Variants in CCT8 observed in about 807,000 individuals in gnomAD.
The protein encoded by CCT8 is chaperonin containing TCP1 subunit 8.
A neutral mutation model predicts 65.7 loss-of-function variants in CCT8; 10 were observed. The ratio of observed to expected loss-of-function variants is 0.15; its 90% CI spans 0.09 to 0.26. The LOEUF is 0.26. Among genes scored for constraint, CCT8 ranks in the 10% least tolerant of loss-of-function variants. The probability of loss-of-function intolerance (pLI) is 1.00; values close to 1 mark genes in which losing one functional copy is unlikely to be tolerated. For missense variants in CCT8, 568 were observed against 669.1 expected (o/e 0.85, Z 1.67); for synonymous variants, 199 against 221.8 (o/e 0.90, Z 0.92).
chr21:29,066,655 A>C lies in CCT8; in HGVS notation c.624+61T>G. ...CATTTTTTTTTTTTTGCACAAAAAAACAAAAAAAGCACACAAAAAAACTGA... is the reference window on the plus strand; with the variant it reads ...CATTTTTTTTTTTTTGCACAAAAAACCAAAAAAAGCACACAAAAAAACTGA... On this transcript the variant is annotated intron_variant, in intron 6 of 14. Transcript: ENST00000286788. 5.3e-6 allele frequency: 6 copies of C among 1,131,042 alleles called. 1 individual carries two copies. The highest frequency in any genetic ancestry group is 7.6e-6 in the Non-Finnish European group (6 of 788,332). The allele number at this position is 1,131,042 out of a possible 1,614,324, so 70.1% of individuals were successfully genotyped here. A position where few individuals can be genotyped will look rare whatever the true frequency, so the allele number is the denominator to read the frequency against.
At chr21:29,062,682 C>G in intron 8 of CCT8, 126 bp from the exon 9 acceptor site, 1 of 731,766 alleles carries the variant, frequency 1.4e-6, no homozygotes, top group Non-Finnish European at 2.2e-6. Context: ...GATTTTAACT[C>G]AGAACATGTC....
chr21:29,069,224 G>C (rs1050060423), intron 3 of CCT8, among the ~76,000 whole-genome samples, 199 bp downstream of exon 3: 1 of 152,110 alleles, frequency 6.6e-6, no homozygotes, highest in South Asian at 2.1e-4. Context: ...TTAATAACTT[G>C]AGAGATTTTT....
chr21:29,064,037 G>T (rs558908345), intron 7 of CCT8, among the ~76,000 whole-genome samples: 1 of 152,118 alleles, frequency 6.6e-6, no homozygotes, highest in African/African-American at 2.4e-5. Context: ...GGGATTACAG[G>T]CGTGAGATAC....
chr21:29,067,767 T>C lies in CCT8; in HGVS notation c.232-62A>G, dbSNP rs2085640136. Reference sequence around the variant, plus strand: ...CCTTAAAGCAACATAAAATTGTTCATTTCCATTTCTTAAATAGACTCAATT... The same window carrying C: ...CCTTAAAGCAACATAAAATTGTTCACTTCCATTTCTTAAATAGACTCAATT... On this transcript the variant is annotated intron_variant, in intron 3 of 14. Coordinates refer to ENST00000286788, the MANE Select transcript of CCT8 (RefSeq NM_006585.4). 1.0e-5 allele frequency: 13 copies of C among 1,252,370 alleles called. No homozygotes were observed. In the African/African-American group the frequency reaches 2.0e-4, roughly 19 times the overall value. The allele number at this position is 1,252,370 out of a possible 1,614,324, so 77.6% of individuals were successfully genotyped here. A position where few individuals can be genotyped will look rare whatever the true frequency, so the allele number is the denominator to read the frequency against.
At chr21:29,064,879 T>C (rs1047764303) in intron 7 of CCT8, 89 bp downstream of exon 7, 27 of 1,148,450 alleles carry the variant, frequency 2.4e-5, no homozygotes, top group Non-Finnish European at 3.3e-5. Flanking sequence ...GTTCAGTTTT[T>C]TAAGAAGTAC....
chr21:29,062,089 C>T (rs2085570034), intron 11 of CCT8, 39 bp downstream of exon 11: 4 of 1,350,524 alleles, frequency 3.0e-6, no homozygotes, highest in South Asian at 1.2e-5. Context: ...ACAAATTACT[C>T]AGACCTTACA....
intron 2 of CCT8, 25 bp from the exon 3 acceptor site, chr21:29,069,527 A>G: frequency 1.4e-6 from 2 of 1,400,706 alleles, no homozygotes; most frequent in South Asian, 1.4e-5. Flanking sequence ...TTAAAAAAAG[A>G]AAAAGAAAGC....
intron 1 of CCT8, among the ~76,000 whole-genome samples, chr21:29,072,750 C>T (rs888002922): frequency 6.6e-6 from 1 of 152,172 alleles, no homozygotes; most frequent in Admixed American, 6.5e-5. Flanking sequence ...GCACAAGAGA[C>T]AAATTTATCA....
chr21:29,059,141 GAACTAGTGAAATA>G (rs2085535834), intron 14 of CCT8, among the ~76,000 whole-genome samples: 1 of 152,196 alleles, frequency 6.6e-6, no homozygotes, highest in Non-Finnish European at 1.5e-5. Context: ...CATACTTTGA[GAACTAGTGAAATA>G]GACATTCCAA....
chr21:29,058,871 C>A (rs1055651851), intron 14 of CCT8, among the ~76,000 whole-genome samples: 1 of 152,046 alleles, frequency 6.6e-6, no homozygotes, highest in Non-Finnish European at 1.5e-5. Flanking sequence ...GGATTACAGG[C>A]GTGAGCCACC....
At chr21:29,072,020 A>G in intron 1 of CCT8, 1 of 694,838 alleles carries the variant, frequency 1.4e-6, no homozygotes, top group Non-Finnish European at 2.6e-6. Flanking sequence ...TAAAAAAAAA[A>G]CAGGTCAAAA....
In CCT8 at chr21:29,063,743, A is replaced by G. The variant is rs760058475; in HGVS notation, c.763-213T>C. On this transcript the variant is annotated intron_variant, in intron 7 of 14. Transcript: ENST00000286788. ...GTCAAAACAGATGCATCTGCTTTTGATAAGTACTTAGGTGGAAAAGTACTT... is the reference window on the plus strand; with the variant it reads ...GTCAAAACAGATGCATCTGCTTTTGGTAAGTACTTAGGTGGAAAAGTACTT... 5.3e-5 allele frequency among the ~76,000 whole-genome samples: 8 copies of G among 152,198 alleles called. No individual in the cohort carries two copies. In the South Asian group the frequency reaches 1.0e-3, roughly 20 times the overall value.
rs139983851 is a variant in CCT8 at position 29,063,514 on chromosome 21, T to C, written c.779A>G (p.Lys260Arg). The C allele has an allele frequency of 1.3e-3, 2,042 of 1,613,746 alleles. 3 individuals carry two copies. The highest frequency in any genetic ancestry group is 7.3e-3 in the Middle Eastern group (44 of 6,062). ...AAAATTCATCAATTCTTCAGCAGTC[T>C]TTATCAACACTGTTCCCTGGCAAAA... ...ITETKGTVLI[K>R]TAEELMNFSK... Residue 260 changes from lysine (K) to arginine (R), a missense_variant, in exon 8 of 15, where the codon AAG becomes AGG. By Grantham distance (26) the Lys-to-Arg change is conservative (BLOSUM62 2). Coordinates refer to ENST00000286788, the MANE Select transcript of CCT8 (RefSeq NM_006585.4).
chr21:29,062,041 G>A (rs554166838), intron 11 of CCT8, 87 bp downstream of exon 11: 7 of 852,276 alleles, frequency 8.2e-6, no homozygotes, highest in South Asian at 7.7e-5. Context: ...AAGTTCTCAT[G>A]ATGTGCAAGA....
At chr21:29,071,921 G>A (rs1267964035) in intron 1 of CCT8, 7 of 701,762 alleles carry the variant, frequency 1.0e-5, no homozygotes, top group African/African-American at 3.5e-5. Context: ...TACGTATCCC[G>A]GCCCTTGTAT....
chr21:29,063,869 C>T (rs1177761731), intron 7 of CCT8, among the ~76,000 whole-genome samples: 4 of 152,090 alleles, frequency 2.6e-5, no homozygotes, highest in South Asian at 2.1e-4. Flanking sequence ...CTGGTTCAAG[C>T]GATTCTCCTG....
At chr21:29,068,317 T>C in intron 3 of CCT8, among the ~76,000 whole-genome samples, 1 of 152,148 alleles carries the variant, frequency 6.6e-6, no homozygotes, top group East Asian at 1.9e-4. Context: ...ATTTTGACGG[T>C]ATCACCACTG....
intron 7 of CCT8, among the ~76,000 whole-genome samples, chr21:29,064,478 ACC>A (rs1474832244): frequency 6.7e-6 from 1 of 150,062 alleles, no homozygotes; most frequent in African/African-American, 2.4e-5. Context: ...AAATGACCAG[ACC>A]CCCCTCATGC....
At chr21:29,062,730 C>T (rs920634778) in intron 8 of CCT8, 174 bp from the exon 9 acceptor site, 17 of 616,080 alleles carry the variant, frequency 2.8e-5, no homozygotes, top group Non-Finnish European at 3.7e-5. Context: ...AAGCTGATTC[C>T]TGACTCTCTG....
Sources: allele counts gnomAD v4.1 joint callset (sites outside exome capture counted in the v4.1 genomes callset), GRCh38; gene constraint gnomAD v4.1.1; transcripts MANE v1.5; gene names NCBI Gene and HGNC (gene_info 2026-07-23, HGNC 2026-07-21).